Variants in OXCT1 observed in about 807,000 individuals in gnomAD.
OXCT1 encodes the protein succinyl-CoA:3-ketoacid coenzyme A transferase 1, mitochondrial.
OXCT1 carries 27 observed loss-of-function variants against 69.6 expected under a neutral mutation model. The observed-to-expected ratio is 0.39, with a 90% confidence interval of 0.29 to 0.54. OXCT1 has a LOEUF of 0.54. OXCT1 is among the 20% of genes least tolerant of loss of function. The pLI is 0.72. For missense variants in OXCT1, 437 were observed against 650.2 expected, an observed-to-expected ratio of 0.67 and a Z score of 3.57; for synonymous variants, 202 against 217.8, an observed-to-expected ratio of 0.93 and a Z score of 0.64.
intron 3 of OXCT1, among the ~76,000 whole-genome samples, chr5:41,859,868 TATATATATATATATATATGTA>T (rs562906092): frequency 0.01 from 1,195 of 114,676 alleles, 15 homozygotes; most frequent in Middle Eastern, 0.024. Flanking sequence ...TATAGTAATA[TATATATATATATATATATGTA>T]ATATATATAT....
intron 7 of OXCT1, among the ~76,000 whole-genome samples, chr5:41,834,357 T>C (rs1341001529): frequency 6.6e-6 from 1 of 151,642 alleles, no homozygotes; most frequent in Non-Finnish European, 1.5e-5. Flanking sequence ...TAAGACACAG[T>C]AGCTGAATGG....
At chr5:41,765,866 C>T (rs1183317809) in intron 13 of OXCT1, among the ~76,000 whole-genome samples, 1 of 152,104 alleles carries the variant, frequency 6.6e-6, no homozygotes, top group Non-Finnish European at 1.5e-5. Context: ...AGAGTCCACC[C>T]CCATCCCTCA....
chr5:41,845,930 T>C (rs530610056), intron 5 of OXCT1, among the ~76,000 whole-genome samples: 48 of 152,208 alleles, frequency 3.2e-4, no homozygotes, highest in African/African-American at 1.1e-3. Context: ...AAATTTATCA[T>C]ATAAAAATGT....
rs1169130029 is a variant in OXCT1 at position 41,731,521 on chromosome 5, G to T, written c.*208C>A. ...AACAACCTTCTCAGCCTTAACAAATGAGATAATTATAAATGCTCCTTTTGC... is the reference window on the plus strand; with the variant it reads ...AACAACCTTCTCAGCCTTAACAAATTAGATAATTATAAATGCTCCTTTTGC... On this transcript the variant is annotated 3_prime_UTR_variant, in exon 17 of 17. Coordinates refer to ENST00000196371, the MANE Select transcript of OXCT1 (RefSeq NM_000436.4). 19 of 916,076 alleles carry T rather than the reference G, an allele frequency of 2.1e-5. No homozygotes were observed. Among genetic ancestry groups the T allele is most frequent in the Non-Finnish European group, 2.9e-5 (18 of 630,066 alleles). The allele number at this position is 916,076 out of a possible 1,614,324, so 56.7% of individuals were successfully genotyped here.
intron 15 of OXCT1, among the ~76,000 whole-genome samples, chr5:41,741,095 C>T (rs754576782): frequency 5.3e-5 from 8 of 151,930 alleles, no homozygotes; most frequent in Non-Finnish European, 1.2e-4. Context: ...GGATTACAGG[C>T]ATGCCCCACC....
chr5:41,869,984 A>T, intron 1 of OXCT1: 1 of 444,186 alleles, frequency 2.3e-6, no homozygotes, highest in East Asian at 4.5e-5. Flanking sequence ...ACGAGCGCCA[A>T]AGGGCTCGGG....
At chr5:41,773,767 C>T (rs1415764450) in intron 13 of OXCT1, among the ~76,000 whole-genome samples, 1 of 152,138 alleles carries the variant, frequency 6.6e-6, no homozygotes, top group Non-Finnish European at 1.5e-5. Flanking sequence ...AATGTTTCAA[C>T]TCCCTGAATT....
chr5:41,837,156 A>G (rs1396226582), intron 7 of OXCT1, among the ~76,000 whole-genome samples: 1 of 152,186 alleles, frequency 6.6e-6, no homozygotes, highest in Non-Finnish European at 1.5e-5. Context: ...AACTCAAGTC[A>G]AAACTCAAAT....
chr5:41,866,408 TTAAA>T (rs1749977219), intron 1 of OXCT1, among the ~76,000 whole-genome samples: 1 of 152,188 alleles, frequency 6.6e-6, no homozygotes, highest in Admixed American at 6.5e-5. Context: ...CACCTTACAG[TTAAA>T]TAAATGACAA....
chr5:41,751,831 C>T (rs896518429), intron 14 of OXCT1, among the ~76,000 whole-genome samples: 1 of 152,086 alleles, frequency 6.6e-6, no homozygotes, highest in African/African-American at 2.4e-5. Context: ...GAAACTGGCA[C>T]CAAATGTATT....
chr5:41,773,065 A>T (rs1744952484), intron 13 of OXCT1, among the ~76,000 whole-genome samples: 1 of 152,178 alleles, frequency 6.6e-6, no homozygotes, highest in African/African-American at 2.4e-5. Flanking sequence ...TCAACACCAA[A>T]ACCAGTTAAA....
intron 10 of OXCT1, among the ~76,000 whole-genome samples, chr5:41,802,504 G>A (rs1377858133): frequency 5.9e-5 from 9 of 152,152 alleles, no homozygotes; most frequent in African/African-American, 1.9e-4. Context: ...GGACAGTAGA[G>A]CTTCAAAAGG....
At chr5:41,838,570 A>G (rs1276180038) in intron 7 of OXCT1, among the ~76,000 whole-genome samples, 1 of 151,934 alleles carries the variant, frequency 6.6e-6, no homozygotes, top group Non-Finnish European at 1.5e-5. Context: ...CACTAGCCAC[A>G]TGTAGCTTTG....
rs115636673 is a variant in OXCT1 at position 41,843,218 on chromosome 5, A to G, written c.565-437T>C. Among the ~76,000 whole-genome samples, 770 of 152,314 alleles carry G rather than the reference A, an allele frequency of 5.1e-3. 8 individuals carry two copies. The highest frequency in any genetic ancestry group is 0.018 in the African/African-American group (733 of 41,564). ...AAAATCTATCATTCAGCTATCCTCAATAACCTATATCACCTGTTGAGATTT... is the reference window on the plus strand; with the variant it reads ...AAAATCTATCATTCAGCTATCCTCAGTAACCTATATCACCTGTTGAGATTT... On this transcript the variant is annotated intron_variant, in intron 5 of 16. Coordinates refer to ENST00000196371, the MANE Select transcript of OXCT1 (RefSeq NM_000436.4).
intron 7 of OXCT1, among the ~76,000 whole-genome samples, chr5:41,837,513 A>C (rs1308652793): frequency 6.6e-6 from 1 of 151,698 alleles, no homozygotes; most frequent in Non-Finnish European, 1.5e-5. Context: ...GCCACTGAAC[A>C]CAGGATGATG....
intron 1 of OXCT1, among the ~76,000 whole-genome samples, chr5:41,868,257 T>C (rs1475182002): frequency 6.6e-6 from 1 of 152,228 alleles, no homozygotes; most frequent in East Asian, 1.9e-4. Flanking sequence ...CATCCGTACT[T>C]TAAACATGTG....
intron 5 of OXCT1, among the ~76,000 whole-genome samples, chr5:41,844,816 C>G (rs1329968528): frequency 6.6e-6 from 1 of 151,934 alleles, no homozygotes; most frequent in African/African-American, 2.4e-5. Context: ...GAACATAACA[C>G]CAATTTCAAC....
intron 14 of OXCT1, among the ~76,000 whole-genome samples, chr5:41,754,396 C>T (rs1743959142): frequency 6.6e-6 from 1 of 152,002 alleles, no homozygotes; most frequent in South Asian, 2.1e-4. Flanking sequence ...ACTGTCACAT[C>T]ACTATAACTG....
intron 7 of OXCT1, among the ~76,000 whole-genome samples, chr5:41,810,596 T>C (rs948376335): frequency 6.6e-6 from 1 of 152,178 alleles, no homozygotes; most frequent in African/African-American, 2.4e-5. Flanking sequence ...AATGTTGTTA[T>C]TGATCTGAAC....
Sources: allele counts gnomAD v4.1 joint callset (sites outside exome capture counted in the v4.1 genomes callset), GRCh38; gene constraint gnomAD v4.1.1; transcripts MANE v1.5; gene names NCBI Gene and HGNC (gene_info 2026-07-23, HGNC 2026-07-21).